The following EVI5 variants were observed in gnomAD, a reference collection of about 807,000 sequenced individuals.
EVI5 encodes the protein ecotropic viral integration site 5.
Under a neutral mutation model 112.0 loss-of-function variants are expected in EVI5, and 73 were observed. The observed-to-expected ratio is 0.65, with a 90% confidence interval of 0.54 to 0.79. EVI5 has a LOEUF of 0.79. EVI5 is among the 30% of genes least tolerant of loss of function. EVI5 has a pLI of 0.00. For missense variants in EVI5, 900 were observed against 968.8 expected (o/e 0.93, Z 0.94); for synonymous variants, 305 against 319.9 (o/e 0.95, Z 0.50).
At chr1:92,725,339 C>T (rs1484168820) in intron 2 of EVI5, among the ~76,000 whole-genome samples, 2 of 152,140 alleles carry the variant, frequency 1.3e-5, no homozygotes, top group South Asian at 2.1e-4. Flanking sequence ...AAAAGGGTCT[C>T]GCCTCAGTAG....
At chr1:92,727,699 C>A (rs185660017) in intron 2 of EVI5, among the ~76,000 whole-genome samples, 19 of 152,118 alleles carry the variant, frequency 1.2e-4, no homozygotes, top group Non-Finnish European at 2.4e-4. Flanking sequence ...CAAAACCCAA[C>A]TAAATGCTAC....
At chr1:92,667,899 GC>G (rs1210593752) in intron 10 of EVI5, among the ~76,000 whole-genome samples, 1 of 152,158 alleles carries the variant, frequency 6.6e-6, no homozygotes, top group Non-Finnish European at 1.5e-5. Context: ...ACAGGCATAA[GC>G]CTCTGTGCCC....
In EVI5 at chr1:92,755,570, G is replaced by A. The variant is rs887343116; in HGVS notation, c.-81-18943C>T. Among the ~76,000 whole-genome samples, 4 of 152,304 alleles carry A rather than the reference G, an allele frequency of 2.6e-5. No homozygotes were observed. The East Asian group carries it at 5.8e-4, about 22-fold the overall frequency. On this transcript the variant is annotated intron_variant, in intron 1 of 19. Transcript: ENST00000684568. Reference sequence around the variant, plus strand: ...TATCCATGATACATGTCGATGGGCTGACTCAGAAATCTGTCCCAATACTCA... The same window carrying A: ...TATCCATGATACATGTCGATGGGCTAACTCAGAAATCTGTCCCAATACTCA...
At chr1:92,634,333 G>A (rs1023691404) in intron 14 of EVI5, among the ~76,000 whole-genome samples, 1 of 152,034 alleles carries the variant, frequency 6.6e-6, no homozygotes, top group African/African-American at 2.4e-5. Flanking sequence ...ACGTAGATTT[G>A]GTCTTTTCAC....
At chr1:92,557,394 G>A (rs867969110) in intron 19 of EVI5, among the ~76,000 whole-genome samples, 1 of 151,346 alleles carries the variant, frequency 6.6e-6, no homozygotes, top group Non-Finnish European at 1.5e-5. Context: ...AGCCATTCTC[G>A]TGCTTCAGCT....
intron 9 of EVI5, among the ~76,000 whole-genome samples, chr1:92,683,220 A>C (rs56764656): frequency 0.045 from 6,841 of 152,180 alleles, 433 homozygotes; most frequent in African/African-American, 0.14. Flanking sequence ...TCTAATTCAG[A>C]ACACCAATAT....
chr1:92,600,999 T>C (rs1649054797), intron 18 of EVI5, among the ~76,000 whole-genome samples: 1 of 151,042 alleles, frequency 6.6e-6, no homozygotes, highest in Non-Finnish European at 1.5e-5. Context: ...AAAAAGAGAG[T>C]CAAAAGTAAG....
At chr1:92,640,071 T>C (rs1236658812) in intron 13 of EVI5, among the ~76,000 whole-genome samples, 1 of 152,194 alleles carries the variant, frequency 6.6e-6, no homozygotes, top group African/African-American at 2.4e-5. Flanking sequence ...TGCAGCAAAC[T>C]GAAACCGGAT....
rs1047053101 is a variant in EVI5 at position 92,530,809 on chromosome 1, T to C, written c.2167-16839A>G. 5.9e-5 allele frequency among the ~76,000 whole-genome samples: 9 copies of C among 152,018 alleles called. 1 individual carries two copies. The highest frequency in any genetic ancestry group is 3.9e-4 in the Admixed American group (6 of 15,280). ...ACCAACTTCAAAGACCAAAGGTAGA[T>C]AAATCCACGAAGATGGGGAGAAACC... On this transcript the variant is annotated intron_variant, in intron 19 of 19. Transcript: ENST00000684568.
chr1:92,667,496 CA>C (rs1665127992), intron 10 of EVI5, among the ~76,000 whole-genome samples: 1 of 152,076 alleles, frequency 6.6e-6, no homozygotes, highest in Non-Finnish European at 1.5e-5. Context: ...GCCTGGTTCC[CA>C]AAAAACTTGT....
intron 19 of EVI5, among the ~76,000 whole-genome samples, chr1:92,543,900 G>A (rs1292711544): frequency 1.3e-5 from 2 of 152,186 alleles, no homozygotes; most frequent in African/African-American, 4.8e-5. Flanking sequence ...AACACAGTAG[G>A]ATATAACAAC....
intron 13 of EVI5, among the ~76,000 whole-genome samples, chr1:92,661,601 T>G (rs572474622): frequency 6.6e-6 from 1 of 152,226 alleles, no homozygotes; most frequent in Non-Finnish European, 1.5e-5. Context: ...TTATTGACAT[T>G]ACATACAAAA....
intron 19 of EVI5, among the ~76,000 whole-genome samples, chr1:92,557,207 A>AT (rs1571519532): frequency 6.6e-6 from 1 of 151,984 alleles, no homozygotes; most frequent in Admixed American, 6.6e-5. Flanking sequence ...CCTGAGTTTT[A>AT]TTTTGTTTAT....
At chr1:92,748,901 A>T (rs1679751601) in intron 1 of EVI5, among the ~76,000 whole-genome samples, 1 of 151,948 alleles carries the variant, frequency 6.6e-6, no homozygotes, top group Non-Finnish European at 1.5e-5. Context: ...CCCCATCTCT[A>T]CTAAAAATAC....
rs1364946937 is a variant in EVI5, at chr1:92,513,547, ATATATATATATATATATATG to A, written c.*89_*108del. 0.023 allele frequency: 271 copies of A among 11,714 alleles called. 8 individuals are homozygous for A. The highest frequency in any genetic ancestry group is 0.18 in the African/African-American group (210 of 1,164). The allele number at this position is 11,714 out of a possible 1,614,324, so 0.7% of individuals were successfully genotyped here. ...TATATATATATATATATATATATAT[ATATATATATATATATATATG>A]TACATATGAAACAAATTATTTCCAA... On this transcript the variant is annotated 3_prime_UTR_variant, in exon 20 of 20. Transcript: ENST00000684568.
At chr1:92,518,284 A>AT (rs1209908919) in intron 19 of EVI5, among the ~76,000 whole-genome samples, 1 of 152,164 alleles carries the variant, frequency 6.6e-6, no homozygotes, top group Admixed American at 6.5e-5. Flanking sequence ...AACAACAAAA[A>AT]TTTTTTGTGA....
intron 13 of EVI5, among the ~76,000 whole-genome samples, chr1:92,655,033 C>T (rs1165891498): frequency 6.6e-6 from 1 of 151,910 alleles, no homozygotes; most frequent in Non-Finnish European, 1.5e-5. Flanking sequence ...GATGAAAAAG[C>T]AAAAAGTTTG....
At chr1:92,737,212 C>G (rs1463074078) in intron 1 of EVI5, among the ~76,000 whole-genome samples, 1 of 152,004 alleles carries the variant, frequency 6.6e-6, no homozygotes, top group Non-Finnish European at 1.5e-5. Flanking sequence ...GACTAGCACC[C>G]CAGGAACAAA....
chr1:92,691,592 T>A (rs1172434875), intron 9 of EVI5, among the ~76,000 whole-genome samples: 1 of 152,194 alleles, frequency 6.6e-6, no homozygotes, highest in East Asian at 1.9e-4. Flanking sequence ...GAAGGTTTTG[T>A]TTTGTTGCTT....
Sources: gnomAD v4.1 joint callset for allele counts (sites outside exome capture counted in the v4.1 genomes callset) on GRCh38, gnomAD v4.1.1 for gene constraint, MANE v1.5 for transcripts, NCBI Gene and HGNC (gene_info 2026-07-23, HGNC 2026-07-21) for gene names.